Variants in CHST8 observed in about 807,000 individuals in gnomAD.
CHST8 encodes the protein carbohydrate sulfotransferase 8, also known as GALNAC-4-ST1.
CHST8 carries 10 observed loss-of-function variants against 15.0 expected under a neutral mutation model. That is an observed-to-expected ratio of 0.67 (90% CI 0.41 to 1.13). CHST8 has a LOEUF of 1.13. Ranked by LOEUF, CHST8 falls within the 50% of genes most tolerant of loss-of-function variation. CHST8 has a pLI of 0.00. For missense variants in CHST8, 634 were observed against 608.2 expected (o/e 1.04, Z -0.45); for synonymous variants, 259 against 256.6 (o/e 1.01, Z -0.09).
intron 3 of CHST8, among the ~76,000 whole-genome samples, chr19:33,728,067 C>T (rs956766299): frequency 6.6e-6 from 1 of 152,278 alleles, no homozygotes; most frequent in Non-Finnish European, 1.5e-5. Context: ...ATGGCCACAC[C>T]TGTGGCTGTC....
chr19:33,748,412 C>T (rs940737317), intron 3 of CHST8, among the ~76,000 whole-genome samples: 4 of 152,248 alleles, frequency 2.6e-5, no homozygotes, highest in Admixed American at 1.3e-4. Flanking sequence ...CACAGGGCTA[C>T]CCGCTCGTTG....
At chr19:33,642,423 C>G (rs1009127119) in intron 1 of CHST8, among the ~76,000 whole-genome samples, 6 of 152,094 alleles carry the variant, frequency 3.9e-5, no homozygotes, top group African/African-American at 1.4e-4. Flanking sequence ...AGCGCAGTGG[C>G]ACGATCTCGG....
intron 2 of CHST8, among the ~76,000 whole-genome samples, chr19:33,679,081 A>G (rs1441467143): frequency 6.6e-6 from 1 of 152,182 alleles, no homozygotes; most frequent in Non-Finnish European, 1.5e-5. Context: ...GCTTCTTGCC[A>G]TTCTCTCCTC....
rs111483686 is a variant in CHST8, at chr19:33,724,104, T to C, written c.130+34713T>C. ...GCAGGCACCGGGCCTGGCTCCTCGG[T>C]GCCCTTGGCCCCACATGGGTGCTGT... On this transcript the variant is annotated intron_variant, in intron 3 of 4. Transcript: ENST00000650847. Among the ~76,000 whole-genome samples, 320 of 152,282 alleles carry C rather than the reference T, an allele frequency of 2.1e-3. 1 individual carries two copies. Among genetic ancestry groups the C allele is most frequent in the African/African-American group, 7.3e-3 (304 of 41,552 alleles).
At chr19:33,747,970 G>T (rs180748628) in intron 3 of CHST8, among the ~76,000 whole-genome samples, 14 of 152,124 alleles carry the variant, frequency 9.2e-5, no homozygotes, top group African/African-American at 3.4e-4. Flanking sequence ...ATGAGTTCTG[G>T]TGGAGAAGGA....
intron 3 of CHST8, among the ~76,000 whole-genome samples, chr19:33,741,089 T>G (rs954798722): frequency 1.6e-4 from 25 of 152,204 alleles, no homozygotes; most frequent in Admixed American, 1.6e-3. Flanking sequence ...CTCGTTTTGA[T>G]CAGCTAATTG....
intron 3 of CHST8, among the ~76,000 whole-genome samples, chr19:33,698,605 T>C (rs532068100): frequency 2.2e-4 from 34 of 151,886 alleles, no homozygotes; most frequent in Non-Finnish European, 4.0e-4. Flanking sequence ...TCAGGGGGAC[T>C]TGGGTTTCTG....
intron 2 of CHST8, among the ~76,000 whole-genome samples, chr19:33,670,281 A>C (rs1012877205): frequency 1.3e-5 from 2 of 152,226 alleles, no homozygotes; most frequent in Non-Finnish European, 2.9e-5. Flanking sequence ...TTCAAATTGC[A>C]CACTGGGTTC....
At chr19:33,734,807 C>T (rs982646279) in intron 3 of CHST8, among the ~76,000 whole-genome samples, 1 of 152,176 alleles carries the variant, frequency 6.6e-6, no homozygotes, top group Non-Finnish European at 1.5e-5. Flanking sequence ...AGGGACCTTC[C>T]TGACATGGGG....
At chr19:33,672,900 C>A (rs573985480) in intron 2 of CHST8, among the ~76,000 whole-genome samples, 1 of 152,262 alleles carries the variant, frequency 6.6e-6, no homozygotes, top group Admixed American at 6.5e-5. Flanking sequence ...AGTTCAGGGA[C>A]CTGGATGAAG....
At chr19:33,666,437 G>A (rs1972662157) in intron 1 of CHST8, among the ~76,000 whole-genome samples, 1 of 152,148 alleles carries the variant, frequency 6.6e-6, no homozygotes, top group Non-Finnish European at 1.5e-5. Flanking sequence ...CAAAAAGGAG[G>A]CAGAGCTCAC....
chr19:33,641,276 G>A (rs1972280354), intron 1 of CHST8, among the ~76,000 whole-genome samples: 2 of 152,180 alleles, frequency 1.3e-5, no homozygotes, highest in African/African-American at 4.8e-5. Context: ...GGTAGGCTGG[G>A]TGAGTCCTCT....
chr19:33,656,060 T>C (rs1972507172), intron 1 of CHST8, among the ~76,000 whole-genome samples: 1 of 152,232 alleles, frequency 6.6e-6, no homozygotes, highest in Non-Finnish European at 1.5e-5. Context: ...AGTTTTGGTA[T>C]GCATAAATTG....
chr19:33,771,302 A>G lies in CHST8; in HGVS notation c.131-111A>G, dbSNP rs373759112. ...CCTAAGCTGCCTTTCCCTAGAGCCT[A>G]CCCCAAGATCCCTCCAGCCTGGATG... On this transcript the variant is annotated intron_variant, in intron 3 of 4. Transcript: ENST00000650847. The G allele has an allele frequency of 2.5e-5, 27 of 1,059,422 alleles. No individual in the cohort carries two copies. In the East Asian group the frequency reaches 5.2e-4, roughly 20 times the overall value. 65.6% of individuals were successfully genotyped at this position (1,059,422 alleles called of 1,614,324 possible).
In CHST8 at chr19:33,642,991, C is replaced by T. The variant is rs904949370; in HGVS notation, c.-164+20695C>T. Among the ~76,000 whole-genome samples the T allele has an allele frequency of 3.3e-5, 5 of 152,276 alleles. No individual in the cohort carries two copies. The East Asian group carries it at 5.8e-4, about 18-fold the overall frequency. On this transcript the variant is annotated intron_variant, in intron 1 of 4. Coordinates refer to ENST00000650847, the MANE Select transcript of CHST8 (RefSeq NM_001127895.2). ...ATGAATTTATCATAATTTATAGAAC[C>T]GGTTCCTTGTTGGACATTTTGGGGG...
At chr19:33,628,884 G>A (rs767740894) in intron 1 of CHST8, among the ~76,000 whole-genome samples, 1 of 152,174 alleles carries the variant, frequency 6.6e-6, no homozygotes, top group Non-Finnish European at 1.5e-5. Flanking sequence ...CCCTGAGACA[G>A]GGCTGCCCCC....
intron 1 of CHST8, among the ~76,000 whole-genome samples, chr19:33,653,471 T>G (rs1972473580): frequency 6.6e-6 from 1 of 152,246 alleles, no homozygotes; most frequent in Non-Finnish European, 1.5e-5. Flanking sequence ...ACTTGGAAGT[T>G]GAGGCACTTA....
intron 1 of CHST8, among the ~76,000 whole-genome samples, chr19:33,626,783 C>CTTTTTTTTT (rs373066494): frequency 7.5e-6 from 1 of 133,480 alleles, no homozygotes; most frequent in Non-Finnish European, 1.6e-5. Context: ...TTTTTTTTTC[C>CTTTTTTTTT]TTTTTTTTTT....
intron 3 of CHST8, among the ~76,000 whole-genome samples, chr19:33,713,946 G>A (rs571242392): frequency 3.9e-5 from 6 of 152,298 alleles, no homozygotes; most frequent in East Asian, 1.9e-4. Flanking sequence ...GGCAAGAACA[G>A]CCAGAACACT....
Sources: allele counts gnomAD v4.1 joint callset (sites outside exome capture counted in the v4.1 genomes callset), GRCh38; gene constraint gnomAD v4.1.1; transcripts MANE v1.5; gene names NCBI Gene and HGNC (gene_info 2026-07-23, HGNC 2026-07-21).